CTRC: variants seen among roughly 807,000 people sequenced by gnomAD.
CTRC encodes the protein chymotrypsin-C.
CTRC carries 32 observed loss-of-function variants against 35.7 expected under a neutral mutation model. That is an observed-to-expected ratio of 0.90 (90% CI 0.68 to 1.20). The LOEUF is 1.20. Ranked by LOEUF, CTRC falls within the 50% of genes most tolerant of loss-of-function variation. The pLI is 0.00. For missense variants in CTRC, 324 were observed against 361.5 expected, an observed-to-expected ratio of 0.90 and a Z score of 0.84; for synonymous variants, 119 against 149.5, an observed-to-expected ratio of 0.80 and a Z score of 1.49.
Position 15,446,858 on chromosome 1 carries a change from G to A in CTRC, c.*269G>A, listed in dbSNP as rs1051280885. On this transcript the variant is annotated 3_prime_UTR_variant, in exon 8 of 8. Transcript: ENST00000375949. ...GGGAGGCAGGGGGCTGGGGTGGAGA[G>A]CCCAGGGAGTCCTGCGTGAAGCCGG... The A allele has an allele frequency of 1.0e-5, 6 of 582,492 alleles. No individual in the cohort carries two copies. The highest frequency in any genetic ancestry group is 5.6e-5 in the African/African-American group (3 of 53,488). 36.1% of individuals were successfully genotyped at this position (582,492 alleles called of 1,614,324 possible).
In CTRC at chr1:15,444,600, C is replaced by T. The variant is rs111790169; in HGVS notation, c.494-6C>T. ...CCTCCCTGGTCACTGCTCACTCTCT[C>T]CCCAGCCAACGGCCCCATTGCTGAT... On this transcript the variant is annotated splice_polypyrimidine_tract_variant and splice_region_variant and intron_variant, in intron 5 of 7. Transcript: ENST00000375949. 1.6e-4 allele frequency: 255 copies of T among 1,614,130 alleles called. 1 individual carries two copies. In the African/African-American group the frequency reaches 3.0e-3, roughly 19 times the overall value.
Position 15,438,562 on chromosome 1 carries a change from G to T in CTRC, c.40+58G>T, listed in dbSNP as rs368967504. 2.8e-5 allele frequency: 45 copies of T among 1,600,478 alleles called. No homozygotes were observed. In the East Asian group the frequency reaches 5.6e-4, roughly 20 times the overall value. ...CTGTGAGCTCGGGCTGGCCTCCAGGGCAAGGACGGGATGGGGAGTGGGGGG... is the reference window on the plus strand; with the variant it reads ...CTGTGAGCTCGGGCTGGCCTCCAGGTCAAGGACGGGATGGGGAGTGGGGGG... On this transcript the variant is annotated intron_variant, in intron 1 of 7. Coordinates refer to ENST00000375949, the MANE Select transcript of CTRC (RefSeq NM_007272.3).
intron 5 of CTRC, among the ~76,000 whole-genome samples, 174 bp from the exon 6 acceptor site, chr1:15,444,432 G>A (rs1418488277): frequency 6.6e-6 from 1 of 151,800 alleles, no homozygotes; most frequent in African/African-American, 2.4e-5. Context: ...GCCTGCTCCT[G>A]ACCCTCTGGG....
intron 5 of CTRC, among the ~76,000 whole-genome samples, chr1:15,444,355 C>T (rs1708183573): frequency 6.6e-6 from 1 of 152,092 alleles, no homozygotes; most frequent in Non-Finnish European, 1.5e-5. Flanking sequence ...AAATTATTGA[C>T]AATTAAATCC....
chr1:15,444,219 T>G (rs982326592), intron 5 of CTRC, among the ~76,000 whole-genome samples: 43 of 151,854 alleles, frequency 2.8e-4, no homozygotes, highest in African/African-American at 1.0e-3. Flanking sequence ...ATCTTGCCAC[T>G]GCTGTCCAGC....
At chr1:15,440,259 C>A in intron 1 of CTRC, 41 bp from the exon 2 acceptor site, 1 of 1,091,942 alleles carries the variant, frequency 9.2e-7, no homozygotes, top group South Asian at 1.3e-5. Flanking sequence ...CGTGGGCTAC[C>A]AGCCCTATTC....
Position 15,440,596 on chromosome 1 carries a change from C to A in CTRC, c.230+6C>A. 1 of 1,613,294 alleles carries A rather than the reference C, an allele frequency of 6.2e-7. No individual in the cohort carries two copies. Among genetic ancestry groups the A allele is most frequent in the Middle Eastern group, 1.6e-4 (1 of 6,062 alleles). ...ACTGCCGCCCACTGCATCAGGTGTG[C>A]GGGGATGATACCCTGAGACCTGGCC... On this transcript the variant is annotated splice_donor_region_variant and intron_variant, in intron 3 of 7. Transcript: ENST00000375949.
At chr1:15,446,454 G>A in intron 7 of CTRC, 121 bp from the exon 8 acceptor site, 1 of 954,410 alleles carries the variant, frequency 1.0e-6, no homozygotes, top group Non-Finnish European at 1.7e-6. Flanking sequence ...GACAAGGCTG[G>A]CATGTGAAGG....
At chr1:15,445,407 C>G (rs1708200873) in intron 6 of CTRC, among the ~76,000 whole-genome samples, 190 bp from the exon 7 acceptor site, 1 of 152,196 alleles carries the variant, frequency 6.6e-6, no homozygotes. Flanking sequence ...CAGGGCCTCC[C>G]AGAATAAGGC....
At chr1:15,444,445 C>T (rs533990929) in intron 5 of CTRC, among the ~76,000 whole-genome samples, 161 bp from the exon 6 acceptor site, 1 of 146,150 alleles carries the variant, frequency 6.8e-6, no homozygotes, top group East Asian at 1.9e-4. Context: ...CCTCTGGGAC[C>T]TTGGCTTGCC....
Position 15,447,126 on chromosome 1 carries a change from G to T in CTRC, c.*537G>T, listed in dbSNP as rs1190256392. The T allele has an allele frequency of 3.3e-5, 8 of 239,348 alleles. No homozygotes were observed. Among genetic ancestry groups the T allele is most frequent in the Admixed American group, 1.0e-4 (2 of 19,362 alleles). 14.8% of individuals were successfully genotyped at this position (239,348 alleles called of 1,614,324 possible). A position where few individuals can be genotyped will look rare whatever the true frequency, so the allele number is the denominator to read the frequency against. On this transcript the variant is annotated 3_prime_UTR_variant, in exon 8 of 8. Transcript: ENST00000375949. ...AAGCTCAGGGACAACCACTCCTGGG[G>T]AAGGGGCTCCCTAGCAGGGACCCCC...
chr1:15,446,503 CG>C, intron 7 of CTRC, 71 bp from the exon 8 acceptor site: 1 of 1,530,292 alleles, frequency 6.5e-7, no homozygotes, highest in Non-Finnish European at 9.1e-7. Context: ...ACCCACCCTC[CG>C]GGCAGAGCCC....
rs367676653 is a variant in CTRC at position 15,445,675 on chromosome 1, C to T, written c.718C>T (p.Arg240Trp). ...EVFGIVSFGS[R>W]RGCNTRKKPV... ...GTTTGGCATCGTCAGCTTTGGCTCCCGGCGGGGCTGCAACACCCGCAAGAA... is the reference window on the plus strand; with the variant it reads ...GTTTGGCATCGTCAGCTTTGGCTCCTGGCGGGGCTGCAACACCCGCAAGAA... Residue 240 changes from arginine to tryptophan, a missense_variant, in exon 7 of 8, where the codon CGG becomes TGG. Physicochemically the swap from Arg to Trp is moderately radical, Grantham distance 101 (BLOSUM62 -3). Transcript: ENST00000375949. The T allele has an allele frequency of 1.5e-5, 24 of 1,614,046 alleles. No individual in the cohort carries two copies. Among genetic ancestry groups the T allele is most frequent in the Non-Finnish European group, 1.9e-5 (23 of 1,180,040 alleles).
chr1:15,443,477 G>T lies in CTRC; in HGVS notation c.415G>T (p.Val139Leu). 1 of 1,614,210 alleles carries T rather than the reference G, an allele frequency of 6.2e-7. No homozygotes were observed. The highest frequency in any genetic ancestry group is 8.5e-7 in the Non-Finnish European group (1 of 1,180,038). The change falls in exon 5 of 8, where the codon GTG becomes TTG. Residue 139 changes from valine to leucine, a missense_variant. Transcript: ENST00000375949. ...EHVELSDTIQ[V>L]ACLPEKDSLL... Reference sequence around the variant, plus strand: ...TGTGGAGCTGAGTGACACCATCCAGGTGGCCTGCCTGCCAGAGAAGGACTC... The same window carrying T: ...TGTGGAGCTGAGTGACACCATCCAGTTGGCCTGCCTGCCAGAGAAGGACTC...
intron 3 of CTRC, 116 bp downstream of exon 3, chr1:15,440,706 C>A: frequency 1.2e-6 from 1 of 857,726 alleles, no homozygotes; most frequent in Non-Finnish European, 1.9e-6. Flanking sequence ...AATCTACTCA[C>A]ACCCAGTAAC....
chr1:15,445,899 C>A, intron 7 of CTRC, 150 bp downstream of exon 7: 1 of 921,580 alleles, frequency 1.1e-6, no homozygotes, highest in South Asian at 1.4e-5. Flanking sequence ...TGCATTCATT[C>A]ATTTATTCAC....
intron 4 of CTRC, 107 bp from the exon 5 acceptor site, chr1:15,443,312 C>T (rs945224715): frequency 7.4e-7 from 1 of 1,349,926 alleles, no homozygotes; most frequent in Non-Finnish European, 1.1e-6. Context: ...GTGAAGGACC[C>T]CTGAGCACCC....
chr1:15,445,977 T>G (rs1708214611), intron 7 of CTRC, among the ~76,000 whole-genome samples: 1 of 151,044 alleles, frequency 6.6e-6, no homozygotes, highest in Admixed American at 6.6e-5. Context: ...CATTCATTTA[T>G]TCACTTATTC....
At position 15,445,655 on chromosome 1, in the gene CTRC, G is replaced by T. The variant is rs1238186041; in HGVS notation, c.698G>T (p.Gly233Val). The T allele has an allele frequency of 6.2e-7, 1 of 1,614,172 alleles. No homozygotes were observed. Among genetic ancestry groups the T allele is most frequent in the Non-Finnish European group, 8.5e-7 (1 of 1,180,028 alleles). ...QLENGSWEVFGIVSFGSRRGC... is the reference protein window; with the variant it reads ...QLENGSWEVFVIVSFGSRRGC... ...GAGAACGGTTCCTGGGAGGTGTTTG[G>T]CATCGTCAGCTTTGGCTCCCGGCGG... The change falls in exon 7 of 8, where the codon GGC becomes GTC. Residue 233 changes from glycine (G) to valine (V), a missense_variant. By Grantham distance (109) the Gly-to-Val change is moderately radical. Transcript: ENST00000375949.
Sources: allele counts gnomAD v4.1 joint callset (sites outside exome capture counted in the v4.1 genomes callset), GRCh38; gene constraint gnomAD v4.1.1; transcripts MANE v1.5; gene names NCBI Gene and HGNC (gene_info 2026-07-23, HGNC 2026-07-21).